The following SORCS1 variants were observed in gnomAD, a reference collection of about 807,000 sequenced individuals.
SORCS1 encodes sortilin related VPS10 domain containing receptor 1, also known as VPS10 domain-containing receptor SorCS1.
In SORCS1, 60 loss-of-function variants were observed where a neutral mutation model predicts 146.1. The observed-to-expected ratio is 0.41, with a 90% CI of 0.33 to 0.51. The LOEUF (loss-of-function observed/expected upper bound fraction) is 0.51. SORCS1 is among the 20% of genes least tolerant of loss of function. The pLI, the probability that SORCS1 is intolerant of heterozygous loss-of-function variation, is 0.21. For missense variants in SORCS1, 1,352 were observed against 1,487.6 expected (o/e 0.91, Z 1.50); for synonymous variants, 637 against 584.0 (o/e 1.09, Z -1.31).
At chr10:107,030,498 G>C (rs563608926) in intron 1 of SORCS1, among the ~76,000 whole-genome samples, 164 of 152,202 alleles carry the variant, frequency 1.1e-3, no homozygotes, top group African/African-American at 3.3e-3. Context: ...CTGCTATCTG[G>C]ACAAAGGAAA....
intron 4 of SORCS1, among the ~76,000 whole-genome samples, chr10:106,771,332 G>A (rs918555716): frequency 2.6e-5 from 4 of 152,180 alleles, no homozygotes; most frequent in Middle Eastern, 3.4e-3. Flanking sequence ...GAGAGATGCC[G>A]TTGGAGGCAA....
intron 3 of SORCS1, among the ~76,000 whole-genome samples, chr10:106,812,194 G>A (rs1947495496): frequency 6.6e-6 from 1 of 152,098 alleles, no homozygotes; most frequent in African/African-American, 2.4e-5. Flanking sequence ...TAGAGACGTG[G>A]TTTCACTGTG....
intron 5 of SORCS1, among the ~76,000 whole-genome samples, chr10:106,731,824 T>C (rs1354239620): frequency 6.6e-6 from 1 of 151,588 alleles, no homozygotes; most frequent in African/African-American, 2.4e-5. Flanking sequence ...TCCTGGTATA[T>C]AACAGACAGT....
chr10:107,134,718 G>A (rs1967134180), intron 1 of SORCS1, among the ~76,000 whole-genome samples: 1 of 152,178 alleles, frequency 6.6e-6, no homozygotes, highest in Non-Finnish European at 1.5e-5. Flanking sequence ...GGTGGGATGA[G>A]AAATCGGACA....
At chr10:106,830,015 AC>A (rs1236973302) in intron 2 of SORCS1, among the ~76,000 whole-genome samples, 4 of 152,126 alleles carry the variant, frequency 2.6e-5, no homozygotes, top group African/African-American at 9.7e-5. Flanking sequence ...ACATTTCCAA[AC>A]TTTTACTTTA....
At position 106,853,978 on chromosome 10, in the gene SORCS1, T is replaced by C. The variant is rs934301939; in HGVS notation, c.627-24305A>G. 2.0e-5 allele frequency among the ~76,000 whole-genome samples: 3 copies of C among 152,076 alleles called. No individual in the cohort carries two copies. The East Asian group carries it at 5.8e-4, about 29-fold the overall frequency. On this transcript the variant is annotated intron_variant, in intron 2 of 25. Transcript: ENST00000263054. Reference sequence around the variant, plus strand: ...ATATCAATTTTACCCTGTTGGTTGATGGTGTTGTTGAGTTCAAATATGTCC... The same window carrying C: ...ATATCAATTTTACCCTGTTGGTTGACGGTGTTGTTGAGTTCAAATATGTCC...
intron 3 of SORCS1, among the ~76,000 whole-genome samples, chr10:106,781,134 C>T (rs897815214): frequency 1.3e-5 from 2 of 152,076 alleles, no homozygotes; most frequent in African/African-American, 2.4e-5. Context: ...TTCCAGTTGT[C>T]GTCTCCTGCG....
At chr10:107,065,419 C>CTT (rs769915590) in intron 1 of SORCS1, among the ~76,000 whole-genome samples, 1 of 87,440 alleles carries the variant, frequency 1.1e-5, no homozygotes, top group Admixed American at 1.2e-4. Context: ...TCTTTCTTTT[C>CTT]TTTCTTTCTT....
chr10:106,681,191 G>A (rs1852409246), intron 10 of SORCS1, among the ~76,000 whole-genome samples: 2 of 152,118 alleles, frequency 1.3e-5, no homozygotes, highest in African/African-American at 4.8e-5. Flanking sequence ...TAAATGCTGT[G>A]GATGTTCCAG....
intron 18 of SORCS1, among the ~76,000 whole-genome samples, chr10:106,634,451 C>T (rs992256134): frequency 2.6e-5 from 4 of 152,168 alleles, no homozygotes; most frequent in Non-Finnish European, 5.9e-5. Flanking sequence ...AAAACTGGAG[C>T]ACAGAGGGGT....
Position 107,091,176 on chromosome 10 carries a change from G to A in SORCS1, c.558+72793C>T, listed in dbSNP as rs138088054. ...CAAATCTCATCACGCAGCTGCTGCT[G>A]ACATGACTCTTCTACTAATCCCTTC... On this transcript the variant is annotated intron_variant, in intron 1 of 25. Transcript: ENST00000263054. Among the ~76,000 whole-genome samples the A allele has an allele frequency of 1.9e-3, 284 of 152,330 alleles. 1 individual carries two copies. Among genetic ancestry groups the A allele is most frequent in the African/African-American group, 6.2e-3 (259 of 41,570 alleles).
At chr10:106,595,664 G>A (rs909756389) in intron 24 of SORCS1, among the ~76,000 whole-genome samples, 9 of 152,272 alleles carry the variant, frequency 5.9e-5, no homozygotes, top group Middle Eastern at 3.4e-3. Context: ...TTGGCCTTCC[G>A]CTAGACCTAG....
intron 10 of SORCS1, among the ~76,000 whole-genome samples, chr10:106,685,453 C>G (rs542334671): frequency 6.6e-6 from 1 of 151,926 alleles, no homozygotes; most frequent in East Asian, 1.9e-4. Flanking sequence ...CAATAAGGAC[C>G]ATGAAGAAAA....
At chr10:107,013,227 G>A (rs1957758630) in intron 1 of SORCS1, among the ~76,000 whole-genome samples, 1 of 152,142 alleles carries the variant, frequency 6.6e-6, no homozygotes, top group African/African-American at 2.4e-5. Context: ...GTTTGGAAGA[G>A]GTAGGGCAAG....
chr10:106,611,513 G>C (rs1156233189), intron 22 of SORCS1, among the ~76,000 whole-genome samples: 1 of 152,200 alleles, frequency 6.6e-6, no homozygotes, highest in Non-Finnish European at 1.5e-5. Context: ...ACTAATTGTA[G>C]TCAGCCGAGG....
At chr10:106,585,540 G>A (rs1306528985) in intron 24 of SORCS1, among the ~76,000 whole-genome samples, 2 of 152,180 alleles carry the variant, frequency 1.3e-5, no homozygotes, top group Non-Finnish European at 2.9e-5. Context: ...TCTCCCCTAA[G>A]TGAGCAGTCA....
chr10:107,010,015 T>C (rs1957627150), intron 1 of SORCS1, among the ~76,000 whole-genome samples: 2 of 152,188 alleles, frequency 1.3e-5, no homozygotes, highest in Non-Finnish European at 2.9e-5. Flanking sequence ...GAAAAACTTA[T>C]GATGTGGAAC....
At chr10:106,995,774 C>G (rs12570149) in intron 1 of SORCS1, among the ~76,000 whole-genome samples, 35,877 of 151,632 alleles carry the variant, frequency 0.24, 4,765 homozygotes, top group Middle Eastern at 0.35. Context: ...TAATACAATG[C>G]TAAGTGATAA....
At chr10:107,108,638 T>A (rs1295345862) in intron 1 of SORCS1, among the ~76,000 whole-genome samples, 1 of 152,068 alleles carries the variant, frequency 6.6e-6, no homozygotes, top group Non-Finnish European at 1.5e-5. Context: ...CCACACTATA[T>A]CATTCCACCC....
Sources: gnomAD v4.1 joint callset for allele counts (sites outside exome capture counted in the v4.1 genomes callset) on GRCh38, gnomAD v4.1.1 for gene constraint, MANE v1.5 for transcripts, NCBI Gene and HGNC (gene_info 2026-07-23, HGNC 2026-07-21) for gene names.